Variants in UBR3 observed in about 807,000 individuals in gnomAD.
UBR3 encodes the protein ubiquitin protein ligase E3 component n-recognin 3.
Under a neutral mutation model 243.2 loss-of-function variants are expected in UBR3, and 85 were observed. That is an observed-to-expected ratio of 0.35 (90% CI 0.29 to 0.42). The LOEUF is 0.42. Among genes scored for constraint, UBR3 ranks in the 10% least tolerant of loss-of-function variants. The probability of loss-of-function intolerance (pLI) is 1.00; values close to 1 mark genes in which losing one functional copy is unlikely to be tolerated. For missense variants in UBR3, 1,686 were observed against 2,300.8 expected (o/e 0.73, Z 5.47); for synonymous variants, 748 against 799.8 (o/e 0.94, Z 1.09).
rs1004316562 is a variant in UBR3 at position 170,083,108 on chromosome 2, T to C, written c.*1265T>C. On this transcript the variant is annotated 3_prime_UTR_variant, in exon 39 of 39. Transcript: ENST00000272793. ...TGCTATCAAGCAATCCCTGGTACTT[T>C]GGACTTCCATGGCTTGTTATATAAA... 1.3e-5 allele frequency: 2 copies of C among 152,614 alleles called. No homozygotes were observed. The highest frequency in any genetic ancestry group is 4.8e-5 in the African/African-American group (2 of 41,462). 9.5% of individuals were successfully genotyped at this position (152,614 alleles called of 1,614,324 possible). A position where few individuals can be genotyped will look rare whatever the true frequency, so the allele number is the denominator to read the frequency against.
intron 26 of UBR3, among the ~76,000 whole-genome samples, chr2:169,999,914 G>T (rs2089632724): frequency 6.6e-6 from 1 of 152,138 alleles, no homozygotes; most frequent in Admixed American, 6.5e-5. Context: ...ACTCCCTGAG[G>T]TCGGGAGTTC....
rs543030119 is a variant in UBR3, at chr2:169,988,624, G to A, written c.3784+1830G>A. 2.6e-5 allele frequency among the ~76,000 whole-genome samples: 4 copies of A among 152,116 alleles called. No individual in the cohort carries two copies. The East Asian group carries it at 5.8e-4, about 22-fold the overall frequency. On this transcript the variant is annotated intron_variant, in intron 25 of 38. Transcript: ENST00000272793. ...GTTCAAGACCAGCCTGGGCAACACA[G>A]TAAGACCCTGTCTCTACAAAAAGTA...
chr2:169,843,813 T>C (rs1209201550), intron 1 of UBR3, among the ~76,000 whole-genome samples: 1 of 152,128 alleles, frequency 6.6e-6, no homozygotes, highest in Admixed American at 6.5e-5. Flanking sequence ...CATAAATGAG[T>C]TGGGAAGGGC....
At chr2:169,865,554 T>C (rs1232217463) in intron 1 of UBR3, among the ~76,000 whole-genome samples, 1 of 152,222 alleles carries the variant, frequency 6.6e-6, no homozygotes, top group East Asian at 1.9e-4. Context: ...CTTGGTACTC[T>C]GTTCAAATTT....
At chr2:170,004,779 C>T (rs1007477586) in intron 27 of UBR3, among the ~76,000 whole-genome samples, 2 of 151,950 alleles carry the variant, frequency 1.3e-5, no homozygotes, top group Non-Finnish European at 2.9e-5. Context: ...GGTGTGGTGG[C>T]GAGTGCCTGT....
chr2:169,977,937 C>A (rs1335844653), intron 24 of UBR3, among the ~76,000 whole-genome samples: 4 of 152,178 alleles, frequency 2.6e-5, no homozygotes, highest in Admixed American at 6.5e-5. Flanking sequence ...GTCTTCTGAA[C>A]TTCCTAGATT....
chr2:169,909,978 A>T (rs1293350781), intron 10 of UBR3, among the ~76,000 whole-genome samples: 1 of 152,134 alleles, frequency 6.6e-6, no homozygotes, highest in Non-Finnish European at 1.5e-5. Flanking sequence ...GAGACTTTTG[A>T]GTAACTGTGT....
rs572586656 is a variant in UBR3 at position 169,975,747 on chromosome 2, A to G, written c.3635-10898A>G. The stretch of plus-strand genomic sequence containing the variant: ...AGGATTACATGAGGCTAGGAGTTCA[A>G]GACTGCAGTATGCTATGATTGTATC... On this transcript the variant is annotated intron_variant, in intron 24 of 38. Transcript: ENST00000272793. Among the ~76,000 whole-genome samples the G allele has an allele frequency of 2.4e-4, 36 of 152,268 alleles. No individual in the cohort carries two copies. The South Asian group carries it at 7.5e-3, about 32-fold the overall frequency.
chr2:170,020,129 A>T (rs1340626803), intron 30 of UBR3, among the ~76,000 whole-genome samples: 1 of 152,174 alleles, frequency 6.6e-6, no homozygotes, highest in Non-Finnish European at 1.5e-5. Flanking sequence ...ACTTAGTAGT[A>T]AAATTCTGAC....
chr2:170,054,347 T>G (rs2105441823), intron 32 of UBR3, among the ~76,000 whole-genome samples: 1 of 151,110 alleles, frequency 6.6e-6, no homozygotes, highest in South Asian at 2.1e-4. Context: ...AATGCCAGAA[T>G]CTTGGCTCAC....
At chr2:170,075,513 T>G (rs1173633077) in intron 36 of UBR3, among the ~76,000 whole-genome samples, 2 of 152,200 alleles carry the variant, frequency 1.3e-5, no homozygotes, top group Non-Finnish European at 1.5e-5. Context: ...TTTAAAATAT[T>G]TAATCTTTTC....
intron 29 of UBR3, 59 bp downstream of exon 29, chr2:170,008,999 T>C (rs895611875): frequency 1.2e-5 from 13 of 1,106,830 alleles, no homozygotes; most frequent in Non-Finnish European, 1.6e-5. Flanking sequence ...GATTTTATTA[T>C]TTAATAAATA....
chr2:169,905,958 A>G, intron 9 of UBR3, 73 bp from the exon 10 acceptor site: 16 of 1,495,374 alleles, frequency 1.1e-5, no homozygotes, highest in Admixed American at 2.3e-5. Flanking sequence ...TGGGACTGGG[A>G]AATGTACTTG....
chr2:169,834,966 T>A (rs1376001277), intron 1 of UBR3, among the ~76,000 whole-genome samples: 4 of 152,138 alleles, frequency 2.6e-5, no homozygotes, highest in South Asian at 2.1e-4. Flanking sequence ...CCCGGAATAG[T>A]CAAATTCATA....
chr2:169,974,816 C>T (rs2088348569), intron 24 of UBR3, among the ~76,000 whole-genome samples: 1 of 152,044 alleles, frequency 6.6e-6, no homozygotes, highest in African/African-American at 2.4e-5. Flanking sequence ...CCTTTTAATT[C>T]TACTTTTGCT....
intron 1 of UBR3, among the ~76,000 whole-genome samples, chr2:169,841,757 G>A (rs914736460): frequency 2.0e-5 from 3 of 152,246 alleles, no homozygotes; most frequent in African/African-American, 4.8e-5. Flanking sequence ...TCCGGGCCTT[G>A]GCTGCCTTCC....
chr2:169,895,398 G>A (rs1189695088), intron 7 of UBR3, 87 bp downstream of exon 7: 3 of 1,391,944 alleles, frequency 2.2e-6, no homozygotes, highest in Admixed American at 2.8e-5. Flanking sequence ...TATTTCTCAG[G>A]TGAAGGTTGA....
At chr2:169,835,522 C>T (rs1221983442) in intron 1 of UBR3, among the ~76,000 whole-genome samples, 1 of 152,164 alleles carries the variant, frequency 6.6e-6, no homozygotes, top group Non-Finnish European at 1.5e-5. Context: ...CTCACTGCAA[C>T]CTCTGCCTCC....
chr2:169,897,903 C>A (rs2084652869), intron 8 of UBR3, among the ~76,000 whole-genome samples: 1 of 152,108 alleles, frequency 6.6e-6, no homozygotes, highest in African/African-American at 2.4e-5. Flanking sequence ...CTGAGATTGG[C>A]ATTATTATTA....
Sources: allele counts gnomAD v4.1 joint callset (sites outside exome capture counted in the v4.1 genomes callset), GRCh38; gene constraint gnomAD v4.1.1; transcripts MANE v1.5; gene names NCBI Gene and HGNC (gene_info 2026-07-23, HGNC 2026-07-21).